The following KIRREL2 variants were observed in gnomAD, a reference collection of about 807,000 sequenced individuals.
KIRREL2 encodes kin of IRRE-like protein 2.
In KIRREL2, 56 loss-of-function variants were observed where a neutral mutation model predicts 73.4. The observed-to-expected ratio is 0.76, with a 90% CI of 0.62 to 0.95. The LOEUF (loss-of-function observed/expected upper bound fraction) is 0.95. Ranked by LOEUF, KIRREL2 falls within the 40% of genes least tolerant of loss-of-function variation. The pLI, the probability that KIRREL2 is intolerant of heterozygous loss-of-function variation, is 0.00. For synonymous variants in KIRREL2, 407 were observed against 404.0 expected (o/e 1.01, Z -0.09); for missense variants, 896 against 935.0 (o/e 0.96, Z 0.54).
intron 9 of KIRREL2, 42 bp from the exon 10 acceptor site, chr19:35,861,499 G>T: frequency 6.3e-7 from 1 of 1,588,454 alleles, no homozygotes; most frequent in Admixed American, 1.7e-5. Flanking sequence ...CTTTGGGGAG[G>T]GCAAGACCTC....
At position 35,861,005 on chromosome 19, in the gene KIRREL2, G is replaced by C; in HGVS notation, c.1025G>C (p.Arg342Pro). ...SCAWRGNPLPRVTWTRRGGAQ... is the reference protein window; with the variant it reads ...SCAWRGNPLPPVTWTRRGGAQ... ...GCCTGGCGCGGGAACCCGCTTCCACGGGTAACCTGGACCCGCCGCGGTGGC... is the reference window on the plus strand; with the variant it reads ...GCCTGGCGCGGGAACCCGCTTCCACCGGTAACCTGGACCCGCCGCGGTGGC... The change falls in exon 8 of 15, where the codon CGG becomes CCG. Residue 342 changes from arginine to proline, a missense_variant. Physicochemically the swap from Arg to Pro is moderately radical, Grantham distance 103. Coordinates refer to ENST00000360202, the MANE Select transcript of KIRREL2 (RefSeq NM_199180.4). 1 of 1,612,490 alleles carries C rather than the reference G, an allele frequency of 6.2e-7. No individual in the cohort carries two copies. The highest frequency in any genetic ancestry group is 8.5e-7 in the Non-Finnish European group (1 of 1,179,452).
chr19:35,860,486 A>T (rs979446216), intron 6 of KIRREL2, 33 bp from the exon 7 acceptor site: 2 of 1,603,086 alleles, frequency 1.2e-6, no homozygotes, highest in Non-Finnish European at 1.7e-6. Flanking sequence ...CAGAGAGGCC[A>T]GGACAACGTT....
chr19:35,863,493 C>T (rs990162979), intron 13 of KIRREL2, among the ~76,000 whole-genome samples: 2 of 149,596 alleles, frequency 1.3e-5, no homozygotes, highest in Admixed American at 6.7e-5. Flanking sequence ...CACTCTGTCA[C>T]CCAGGCTGGA....
At position 35,858,394 on chromosome 19, in the gene KIRREL2, C is replaced by A. The variant is rs773825092; in HGVS notation, c.212-14C>A. 4 of 1,609,078 alleles carry A rather than the reference C, an allele frequency of 2.5e-6. No individual in the cohort carries two copies. Among genetic ancestry groups the A allele is most frequent in the Non-Finnish European group, 3.4e-6 (4 of 1,176,022 alleles). On this transcript the variant is annotated splice_polypyrimidine_tract_variant and intron_variant, in intron 2 of 14. Transcript: ENST00000360202. ...AGAACCATGGTGTGCTGACTGCCTT[C>A]TCCCTGACTCCAGGGTGGTCCCGGT...
chr19:35,858,513 C>T lies in KIRREL2; in HGVS notation c.317C>T (p.Thr106Ile). ...GAAGCATCATATGAATGTCAGGCTA[C>T]ACAAGCAGGCCTCCGCTCCAGACCA... is the stretch of plus-strand genomic sequence containing the variant. ...EDEASYECQATQAGLRSRPAQ... is the reference protein window; with the variant it reads ...EDEASYECQAIQAGLRSRPAQ... The change falls in exon 3 of 15, where the codon ACA becomes ATA. Residue 106 changes from threonine (T) to isoleucine (I), a missense_variant. Coordinates refer to ENST00000360202, the MANE Select transcript of KIRREL2 (RefSeq NM_199180.4). 6.2e-7 allele frequency: 1 copy of T among 1,614,188 alleles called. No individual in the cohort carries two copies. The highest frequency in any genetic ancestry group is 8.5e-7 in the Non-Finnish European group (1 of 1,180,036).
At position 35,861,210 on chromosome 19, in the gene KIRREL2, C is replaced by A; in HGVS notation, c.1145C>A (p.Ser382Ter). 6.5e-7 allele frequency: 1 copy of A among 1,538,026 alleles called. No individual in the cohort carries two copies. The highest frequency in any genetic ancestry group is 8.7e-7 in the Non-Finnish European group (1 of 1,151,114). The change falls in exon 9 of 15, where the codon TCG (serine) becomes TAG (stop). Residue 382 changes from serine to a stop codon, truncating the protein, a stop_gained. Transcript: ENST00000360202. LOFTEE classifies it high-confidence loss of function. The part of the protein sequence containing the change: ...DYVCRAEAGL[S>*]GLRGGAAEAR... ...GTGTGCAGAGCTGAGGCTGGGCTAT[C>A]GGGCCTGCGGGGCGGCGCCGCGGAG...
upstream of KIRREL2, chr19:35,851,433 G>GGT: frequency 6.2e-7 from 1 of 1,612,874 alleles, no homozygotes; most frequent in Non-Finnish European, 8.5e-7. Context: ...TGGTGGCTGA[G>GGT]GGTCTCAGGC....
At position 35,866,327 on chromosome 19, in the gene KIRREL2, T is replaced by TTGTA. The variant is rs1373245671; in HGVS notation, c.1963_1964insGTAT (p.Tyr655CysfsTer47). 6.3e-7 allele frequency: 1 copy of TTGTA among 1,582,482 alleles called. No individual in the cohort carries two copies. The highest frequency in any genetic ancestry group is 1.1e-5 in the South Asian group (1 of 90,284). ...TGGGCATGGTCCCCCCCTGCAGACT[T>TTGTA]TACAGAGCCAGGGCAGGCTATCTCA... On this transcript the variant is annotated frameshift_variant, in exon 15 of 15. Transcript: ENST00000360202. LOFTEE classifies it high-confidence loss of function.
intron 2 of KIRREL2, 121 bp downstream of exon 2, chr19:35,857,615 C>A: frequency 9.7e-7 from 1 of 1,033,908 alleles, no homozygotes; most frequent in Non-Finnish European, 1.4e-6. Flanking sequence ...CTCGGGTAAA[C>A]ATTTAGGAGT....
At chr19:35,860,725 T>A in intron 7 of KIRREL2, 58 bp downstream of exon 7, 4 of 1,595,222 alleles carry the variant, frequency 2.5e-6, no homozygotes, top group Non-Finnish European at 3.4e-6. Context: ...TCAGGGCTGT[T>A]GAGGGTCGGG....
chr19:35,865,711 G>T (rs1973937849), intron 14 of KIRREL2, among the ~76,000 whole-genome samples: 2 of 152,168 alleles, frequency 1.3e-5, no homozygotes, highest in Admixed American at 6.5e-5. Flanking sequence ...CCCAGGCACA[G>T]CCCTGACCCC....
chr19:35,858,014 TA>T (rs1973504409), intron 2 of KIRREL2, among the ~76,000 whole-genome samples: 1 of 144,568 alleles, frequency 6.9e-6, no homozygotes, highest in Non-Finnish European at 1.5e-5. Context: ...AAAGAGAACA[TA>T]AATGCAAAAA....
At chr19:35,851,729 T>C (rs1481649639), upstream of KIRREL2, 1 of 1,566,504 alleles carries the variant, frequency 6.4e-7, no homozygotes, top group South Asian at 1.2e-5. Flanking sequence ...GGAAGGTAAG[T>C]GGGAAATGGG....
intron 12 of KIRREL2, 90 bp downstream of exon 12, chr19:35,862,687 G>T (rs1599867723): frequency 2.0e-6 from 2 of 977,056 alleles, no homozygotes; most frequent in East Asian, 4.8e-5. Context: ...TTGGGCCTTG[G>T]CTCCAGTCCC....
At position 35,860,674 on chromosome 19, in the gene KIRREL2, T is replaced by C. The variant is rs1973629932; in HGVS notation, c.928+7T>C. ...ACTGCGCTGGATGTGCTGTGTGAGCTGGGGCCGGCCTGTGGGTGTGGTCAA... is the reference window on the plus strand; with the variant it reads ...ACTGCGCTGGATGTGCTGTGTGAGCCGGGGCCGGCCTGTGGGTGTGGTCAA... On this transcript the variant is annotated splice_region_variant and intron_variant, in intron 7 of 14. Transcript: ENST00000360202. 6.2e-7 allele frequency: 1 copy of C among 1,601,504 alleles called. No individual in the cohort carries two copies. Among genetic ancestry groups the C allele is most frequent in the East Asian group, 2.2e-5 (1 of 44,834 alleles).
At chr19:35,863,593 CA>C (rs1973809983) in intron 13 of KIRREL2, among the ~76,000 whole-genome samples, 1 of 151,798 alleles carries the variant, frequency 6.6e-6, no homozygotes, top group African/African-American at 2.4e-5. Context: ...GCTGCGATTA[CA>C]GGCGCCCACC....
At position 35,862,545 on chromosome 19, in the gene KIRREL2, T is replaced by TGG. The variant is rs781251496; in HGVS notation, c.1563_1564insGG (p.Leu522GlyfsTer29). The TGG allele has an allele frequency of 1.1e-5, 18 of 1,610,472 alleles. No homozygotes were observed. Among genetic ancestry groups the TGG allele is most frequent in the East Asian group, 2.2e-5 (1 of 44,854 alleles). On this transcript the variant is annotated frameshift_variant, in exon 12 of 15. Coordinates refer to ENST00000360202, the MANE Select transcript of KIRREL2 (RefSeq NM_199180.4). LOFTEE classifies it high-confidence loss of function. ...CCGGAGTGGCCGCTGCCACCACAAC[T>TGG]CTCCTTATGGTCATCACTGGGGTGG...
rs1973949459 is a variant in KIRREL2, at chr19:35,866,063, C to T, written c.1792-94C>T. 2.4e-6 allele frequency: 3 copies of T among 1,225,378 alleles called. No homozygotes were observed. In the East Asian group the frequency reaches 7.1e-5, roughly 29 times the overall value. The allele number at this position is 1,225,378 out of a possible 1,614,324, so 75.9% of individuals were successfully genotyped here. On this transcript the variant is annotated intron_variant, in intron 14 of 14. Transcript: ENST00000360202. ...CACTCCTGTCTCTTTTTGTCTCTCT[C>T]AAGGTCTGGTCTATTTCAGTGTGTC... is the stretch of plus-strand genomic sequence containing the variant.
chr19:35,862,912 G>C lies in KIRREL2; in HGVS notation c.1616-15G>C. 1 of 1,509,904 alleles carries C rather than the reference G, an allele frequency of 6.6e-7. No individual in the cohort carries two copies. The highest frequency in any genetic ancestry group is 9.0e-7 in the Non-Finnish European group (1 of 1,107,410). The allele number at this position is 1,509,904 out of a possible 1,614,324, so 93.5% of individuals were successfully genotyped here. A position where few individuals can be genotyped will look rare whatever the true frequency, so the allele number is the denominator to read the frequency against. The stretch of plus-strand genomic sequence containing the variant: ...CCCCGCCCATCGCTTAACTCCACCG[G>C]TCGCTGTTTGTCAGCCTCAGCCTCT... On this transcript the variant is annotated splice_polypyrimidine_tract_variant and intron_variant, in intron 12 of 14. Transcript: ENST00000360202.
Sources: gnomAD v4.1 joint callset for allele counts (sites outside exome capture counted in the v4.1 genomes callset) on GRCh38, gnomAD v4.1.1 for gene constraint, MANE v1.5 for transcripts, NCBI Gene and HGNC (gene_info 2026-07-23, HGNC 2026-07-21) for gene names.